Variants in RBM20 observed in about 807,000 individuals in gnomAD.
RBM20 encodes the protein RNA-binding protein 20.
A neutral mutation model predicts 110.1 loss-of-function variants in RBM20; 51 were observed. The observed-to-expected ratio is 0.46, with a 90% CI of 0.37 to 0.59. The LOEUF (loss-of-function observed/expected upper bound fraction) is 0.59, where lower values mean the gene tolerates loss of function less well. Ranked by LOEUF, RBM20 falls within the 20% of genes least tolerant of loss-of-function variation. The pLI is 0.00. For synonymous variants in RBM20, 589 were observed against 618.2 expected, an observed-to-expected ratio of 0.95 and a Z score of 0.70; for missense variants, 1,512 against 1,574.9, an observed-to-expected ratio of 0.96 and a Z score of 0.68.
rs1049647138 is a variant in RBM20 at position 110,781,879 on chromosome 10, T to C, written c.1270T>C (p.Leu424=). Residue 424 remains leucine, a synonymous_variant, in exon 2 of 14, where the codon TTG becomes CTG. Coordinates refer to ENST00000369519, the MANE Select transcript of RBM20 (RefSeq NM_001134363.3). ...CATCTGTGACAAGAAGGTGTTTGAT[T>C]TGAAGGTGAGTTGTCCAAGACAGGC... The part of the protein sequence containing the change: ...CSICDKKVFD[L]KDWELHVKGK... 1.9e-6 allele frequency: 3 copies of C among 1,551,724 alleles called. No homozygotes were observed. The highest frequency in any genetic ancestry group is 2.0e-5 in the Admixed American group (1 of 51,006).
At chr10:110,784,121 CA>C (rs1324385430) in intron 3 of RBM20, among the ~76,000 whole-genome samples, 1 of 152,184 alleles carries the variant, frequency 6.6e-6, no homozygotes, top group Non-Finnish European at 1.5e-5. Context: ...GTATATATCA[CA>C]TTCTTGTTTA....
At chr10:110,786,291 C>A (rs1844417983) in intron 5 of RBM20, among the ~76,000 whole-genome samples, 1 of 152,258 alleles carries the variant, frequency 6.6e-6, no homozygotes, top group African/African-American at 2.4e-5. Context: ...GCCTCTTTCT[C>A]TCTTCTCCTG....
At chr10:110,680,601 C>T (rs898306483) in intron 1 of RBM20, among the ~76,000 whole-genome samples, 14 of 152,204 alleles carry the variant, frequency 9.2e-5, no homozygotes, top group Non-Finnish European at 1.5e-4. Flanking sequence ...AGCTCGGGGA[C>T]TGACACATAC....
intron 5 of RBM20, among the ~76,000 whole-genome samples, chr10:110,785,101 T>A (rs1844404714): frequency 6.6e-6 from 1 of 152,200 alleles, no homozygotes; most frequent in South Asian, 2.1e-4. Context: ...ATTACAGGTG[T>A]GAGCCACCAT....
intron 1 of RBM20, among the ~76,000 whole-genome samples, chr10:110,732,215 C>T (rs1206076704): frequency 6.6e-6 from 1 of 152,126 alleles, no homozygotes; most frequent in African/African-American, 2.4e-5. Context: ...TCATGGTCAT[C>T]TCCACTTTTT....
At chr10:110,795,819 A>G (rs1171771426) in intron 5 of RBM20, among the ~76,000 whole-genome samples, 1 of 152,220 alleles carries the variant, frequency 6.6e-6, no homozygotes, top group Non-Finnish European at 1.5e-5. Flanking sequence ...CACAAAACAG[A>G]CAGACACACT....
At chr10:110,775,562 C>T (rs1191152161) in intron 1 of RBM20, among the ~76,000 whole-genome samples, 1 of 152,192 alleles carries the variant, frequency 6.6e-6, no homozygotes, top group East Asian at 1.9e-4. Flanking sequence ...TCTTGGATCC[C>T]TCAAATCCCA....
chr10:110,720,051 G>A (rs962149098), intron 1 of RBM20, among the ~76,000 whole-genome samples: 1 of 152,014 alleles, frequency 6.6e-6, no homozygotes, highest in East Asian at 1.9e-4. Flanking sequence ...GCGCCCTGGC[G>A]GTGATCTTTT....
At chr10:110,813,817 A>C (rs556365873) in intron 9 of RBM20, among the ~76,000 whole-genome samples, 1 of 141,210 alleles carries the variant, frequency 7.1e-6, no homozygotes, top group South Asian at 2.4e-4. Flanking sequence ...CCTGGATGAC[A>C]AGAGCGAAAC....
At chr10:110,793,297 C>T (rs1844507812) in intron 5 of RBM20, among the ~76,000 whole-genome samples, 2 of 152,248 alleles carry the variant, frequency 1.3e-5, no homozygotes, top group African/African-American at 4.8e-5. Flanking sequence ...TATTTACTTC[C>T]ACCCCAAGCA....
chr10:110,707,896 T>A (rs1862866124), intron 1 of RBM20, among the ~76,000 whole-genome samples: 1 of 151,890 alleles, frequency 6.6e-6, no homozygotes, highest in African/African-American at 2.4e-5. Context: ...ACCAGAAGAG[T>A]GGAATTGTAA....
chr10:110,757,212 C>T (rs1843933343), intron 1 of RBM20, among the ~76,000 whole-genome samples: 1 of 152,204 alleles, frequency 6.6e-6, no homozygotes, highest in South Asian at 2.1e-4. Context: ...CCCAAGCACA[C>T]ACTGTTTTTC....
chr10:110,648,018 C>T (rs774464008), intron 1 of RBM20, among the ~76,000 whole-genome samples: 2 of 152,174 alleles, frequency 1.3e-5, no homozygotes, highest in Admixed American at 1.3e-4. Context: ...ATTTGATTTG[C>T]AGCAAAATAT....
At chr10:110,714,214 C>T (rs1425071050) in intron 1 of RBM20, among the ~76,000 whole-genome samples, 1 of 152,150 alleles carries the variant, frequency 6.6e-6, no homozygotes, top group Non-Finnish European at 1.5e-5. Flanking sequence ...AGAGTGTTCC[C>T]TGACTCAAGA....
intron 5 of RBM20, 22 bp downstream of exon 5, chr10:110,784,911 CT>C: frequency 7.5e-7 from 1 of 1,338,022 alleles, no homozygotes; most frequent in Non-Finnish European, 1.0e-6. Flanking sequence ...AACATTTTCT[CT>C]AGAAATTAAT....
chr10:110,823,624 A>C lies in RBM20; in HGVS notation c.3451+10A>C, dbSNP rs1844945775. The C allele has an allele frequency of 1.3e-6, 2 of 1,550,942 alleles. No individual in the cohort carries two copies. The highest frequency in any genetic ancestry group is 1.7e-6 in the Non-Finnish European group (2 of 1,146,722). On this transcript the variant is annotated intron_variant, in intron 12 of 13. Coordinates refer to ENST00000369519, the MANE Select transcript of RBM20 (RefSeq NM_001134363.3). ...CTTAGCATTCCTCTAGGTAAGCAAA[A>C]CACACAGTCTTTCCTGAAATTCAGG...
intron 1 of RBM20, among the ~76,000 whole-genome samples, chr10:110,681,081 G>T (rs765162245): frequency 6.6e-6 from 1 of 152,148 alleles, no homozygotes; most frequent in Non-Finnish European, 1.5e-5. Context: ...CCTTCTTCTC[G>T]CACATTCCTC....
chr10:110,704,214 G>C (rs1862800666), intron 1 of RBM20, among the ~76,000 whole-genome samples: 1 of 152,236 alleles, frequency 6.6e-6, no homozygotes, highest in African/African-American at 2.4e-5. Context: ...GTTTTTGAGT[G>C]TATCAATGGT....
intron 7 of RBM20, among the ~76,000 whole-genome samples, chr10:110,804,045 C>G (rs1291923983): frequency 6.6e-6 from 1 of 152,112 alleles, no homozygotes; most frequent in Non-Finnish European, 1.5e-5. Context: ...CTACAGTGAC[C>G]TCAGCAGCTC....
Sources: allele counts gnomAD v4.1 joint callset (sites outside exome capture counted in the v4.1 genomes callset), GRCh38; gene constraint gnomAD v4.1.1; transcripts MANE v1.5; gene names NCBI Gene and HGNC (gene_info 2026-07-23, HGNC 2026-07-21).